ACER1: variants seen among roughly 807,000 people sequenced by gnomAD.
The protein encoded by ACER1 is CTB-180A7.3.
A neutral mutation model predicts 24.9 loss-of-function variants in ACER1; 28 were observed. That is an observed-to-expected ratio of 1.13 (90% confidence interval 0.83 to 1.54). ACER1 has a LOEUF of 1.54. Ranked by LOEUF, ACER1 falls within the 40% of genes most tolerant of loss-of-function variation. ACER1 has a pLI of 0.00. For missense variants in ACER1, 352 were observed against 349.3 expected (o/e 1.01, Z -0.06); for synonymous variants, 132 against 131.4 (o/e 1.00, Z -0.03).
chr19:6,329,045 G>C (rs1333719705), intron 1 of ACER1, among the ~76,000 whole-genome samples: 1 of 151,952 alleles, frequency 6.6e-6, no homozygotes, highest in Non-Finnish European at 1.5e-5. Context: ...CTACTTTGAA[G>C]GCTGGGGCAG....
At chr19:6,327,243 T>G (rs1407038234) in intron 1 of ACER1, among the ~76,000 whole-genome samples, 7 of 152,110 alleles carry the variant, frequency 4.6e-5, no homozygotes, top group Admixed American at 3.9e-4. Context: ...GCAACCTGGA[T>G]GACCTGGTGA....
At chr19:6,356,418 C>T in the ACER1 span, among the ~76,000 whole-genome samples, 1 of 149,908 alleles carries the variant, frequency 6.7e-6, no homozygotes, top group African/African-American at 2.5e-5. Context: ...CACTATTGTC[C>T]TATGACCCTG....
chr19:6,347,109 A>AAAAAAT, the ACER1 span, among the ~76,000 whole-genome samples: 149 of 113,772 alleles, frequency 1.3e-3, 2 homozygotes, highest in African/African-American at 5.8e-3. Context: ...AAAAAAAAAA[A>AAAAAAT]ATATATATAT....
the ACER1 span, among the ~76,000 whole-genome samples, chr19:6,358,933 C>CAAAAGAAAAAAAAAAA: frequency 1.3e-5 from 1 of 75,400 alleles, no homozygotes; most frequent in African/African-American, 5.9e-5. Flanking sequence ...AACTCTGTCT[C>CAAAAGAAAAAAAAAAA]AAAAAAAAAA....
At chr19:6,307,676 G>A (rs867831345) in intron 4 of ACER1, among the ~76,000 whole-genome samples, 19 of 151,772 alleles carry the variant, frequency 1.3e-4, no homozygotes, top group South Asian at 2.1e-4. Flanking sequence ...CTGCAGTTCC[G>A]GTTACTCGGG....
In ACER1 at chr19:6,309,753, G is replaced by A. The variant is rs145674301; in HGVS notation, c.432C>T (p.Tyr144=). Residue 144 remains tyrosine (Y), a synonymous_variant, in exon 4 of 6, where the codon TAC becomes TAT. Transcript: ENST00000301452. ...LSFLRPTVNA[Y]ALNSIALHIL... is the part of the protein sequence containing the mutation. ...TGTGCAGGGCAATGCTGTTGAGGGC[G>A]TAGGCGTTGACCGTGGGCCGCAGGA... 3.2e-5 allele frequency: 52 copies of A among 1,614,100 alleles called. No homozygotes were observed. The highest frequency in any genetic ancestry group is 9.3e-5 in the African/African-American group (7 of 75,026).
Position 6,307,243 on chromosome 19 carries a change from A to C in ACER1, c.536T>G (p.Leu179Ter), listed in dbSNP as rs2091556932. 1 of 1,614,062 alleles carries C rather than the reference A, an allele frequency of 6.2e-7. No individual in the cohort carries two copies. The highest frequency in any genetic ancestry group is 2.2e-5 in the East Asian group (1 of 44,882). ...CCAGCTGGTCAGAGCAACAGCCCAT[A>C]AAACCACGGAGACCTCAATCAGGTG... Reference protein sequence around the residue: ...LRHLIEVSVVLWAVALTSWIS... With the variant: ...LRHLIEVSVV The change falls in exon 5 of 6, where the codon TTA (leucine) becomes TGA (stop). Residue 179 changes from leucine to a stop codon, truncating the protein, a stop_gained. Coordinates refer to ENST00000301452, the MANE Select transcript of ACER1 (RefSeq NM_133492.3). LOFTEE classifies it high-confidence loss of function.
At chr19:6,355,632 G>GC in the ACER1 span, among the ~76,000 whole-genome samples, 2 of 133,858 alleles carry the variant, frequency 1.5e-5, no homozygotes, top group African/African-American at 3.2e-5. Context: ...GGGGGGGTCA[G>GC]CCCCCCGCCC....
upstream of ACER1, among the ~76,000 whole-genome samples, chr19:6,334,138 G>A (rs527612966): frequency 1.1e-3 from 173 of 151,338 alleles, no homozygotes; most frequent in Middle Eastern, 3.4e-3. Context: ...TCTGCCTCCC[G>A]TGTTCACGCC....
At chr19:6,347,098 C>CAAAAAAAAAAAAAAA in the ACER1 span, among the ~76,000 whole-genome samples, 78 of 81,950 alleles carry the variant, frequency 9.5e-4, no homozygotes, top group African/African-American at 4.7e-3. Flanking sequence ...CCTGTCTCTA[C>CAAAAAAAAAAAAAAA]AAAAAAAAAA....
At chr19:6,326,322 T>G (rs1243729509) in intron 1 of ACER1, among the ~76,000 whole-genome samples, 1 of 151,976 alleles carries the variant, frequency 6.6e-6, no homozygotes, top group African/African-American at 2.4e-5. Context: ...GAGACGGGGT[T>G]TCACCGTGTT....
the ACER1 span, among the ~76,000 whole-genome samples, chr19:6,352,055 CA>C: frequency 0.029 from 3,140 of 109,440 alleles, 76 homozygotes; most frequent in African/African-American, 0.07. Flanking sequence ...GACTCCATCT[CA>C]AAAAAAAAAA....
intron 4 of ACER1, among the ~76,000 whole-genome samples, chr19:6,308,181 TCCC>T (rs1444357747): frequency 6.6e-6 from 1 of 152,116 alleles, no homozygotes; most frequent in Non-Finnish European, 1.5e-5. Flanking sequence ...AAGCCTGTAA[TCCC>T]AGCACTTTGG....
chr19:6,337,145 C>T (rs2145026209), upstream of ACER1, among the ~76,000 whole-genome samples: 1 of 150,486 alleles, frequency 6.6e-6, no homozygotes, highest in African/African-American at 2.5e-5. Context: ...CACTGCACTC[C>T]AGCCTGGGCG....
intron 1 of ACER1, among the ~76,000 whole-genome samples, chr19:6,329,888 T>G (rs1167918999): frequency 3.3e-5 from 5 of 151,262 alleles, no homozygotes; most frequent in Non-Finnish European, 7.4e-5. Context: ...TTTTTTTTTT[T>G]GAGATGGAGT....
At chr19:6,358,705 G>A in the ACER1 span, among the ~76,000 whole-genome samples, 8 of 151,508 alleles carry the variant, frequency 5.3e-5, no homozygotes, top group Non-Finnish European at 8.8e-5. Context: ...AGGCTGAGGC[G>A]GGTGGATCAC....
At chr19:6,337,656 TC>T, upstream of ACER1, among the ~76,000 whole-genome samples, 1 of 116,652 alleles carries the variant, frequency 8.6e-6, no homozygotes, top group African/African-American at 4.0e-5. Context: ...TTTCTTTCTT[TC>T]TTTCTTTTTT....
the ACER1 span, among the ~76,000 whole-genome samples, chr19:6,344,639 G>A: frequency 2.6e-5 from 4 of 151,296 alleles, no homozygotes; most frequent in Admixed American, 6.6e-5. Flanking sequence ...CAAGTGATCC[G>A]CCTGCCTCAG....
chr19:6,310,449 T>C lies in ACER1; in HGVS notation c.351-615A>G, dbSNP rs140985678. 2.6e-5 allele frequency among the ~76,000 whole-genome samples: 4 copies of C among 152,106 alleles called. No homozygotes were observed. The East Asian group carries it at 7.8e-4, about 30-fold the overall frequency. On this transcript the variant is annotated intron_variant, in intron 3 of 5. Transcript: ENST00000301452. ...AGCCAGGTGTGGTAGCAGATGCCTGTAATCCCAGCTACTCAGGAGGCTGAG... is the reference window on the plus strand; with the variant it reads ...AGCCAGGTGTGGTAGCAGATGCCTGCAATCCCAGCTACTCAGGAGGCTGAG...
Sources: gnomAD v4.1 joint callset for allele counts (sites outside exome capture counted in the v4.1 genomes callset) on GRCh38, gnomAD v4.1.1 for gene constraint, MANE v1.5 for transcripts, NCBI Gene and HGNC (gene_info 2026-07-23, HGNC 2026-07-21) for gene names.